The following CDK8 variants were observed in gnomAD, a reference collection of about 807,000 sequenced individuals.
CDK8 encodes cyclin-dependent kinase 8.
A neutral mutation model predicts 71.5 loss-of-function variants in CDK8; 29 were observed. The observed-to-expected ratio is 0.41, with a 90% CI of 0.30 to 0.55. The LOEUF is 0.55. CDK8 is among the 20% of genes least tolerant of loss of function. CDK8 has a pLI of 0.37. For missense variants in CDK8, 288 were observed against 572.6 expected (o/e 0.50, Z 5.07); for synonymous variants, 161 against 192.1 (o/e 0.84, Z 1.34).
intron 1 of CDK8, among the ~76,000 whole-genome samples, chr13:26,279,113 G>A (rs563887269): frequency 6.6e-6 from 1 of 151,594 alleles, no homozygotes; most frequent in Non-Finnish European, 1.5e-5. Flanking sequence ...GTCCTATAAC[G>A]AACCCGTGAA....
At chr13:26,271,857 A>C (rs151116328) in intron 1 of CDK8, among the ~76,000 whole-genome samples, 1 of 132,430 alleles carries the variant, frequency 7.6e-6, no homozygotes, top group Non-Finnish European at 1.6e-5. Context: ...GAGAGACATA[A>C]AAATTGGTAT....
intron 1 of CDK8, among the ~76,000 whole-genome samples, chr13:26,319,683 CTTTT>C (rs57713231): frequency 2.2e-5 from 3 of 137,502 alleles, no homozygotes; most frequent in African/African-American, 8.0e-5. Context: ...ATCCAAATGG[CTTTT>C]TTTTTTTTTT....
chr13:26,403,302 A>G (rs1008015652), intron 12 of CDK8, among the ~76,000 whole-genome samples: 2 of 152,142 alleles, frequency 1.3e-5, no homozygotes, highest in African/African-American at 2.4e-5. Flanking sequence ...TGAGGCCTGG[A>G]GTTTGAAATC....
intron 1 of CDK8, among the ~76,000 whole-genome samples, chr13:26,326,831 C>T (rs944227478): frequency 4.6e-5 from 7 of 152,138 alleles, no homozygotes; most frequent in African/African-American, 1.7e-4. Flanking sequence ...CCATATACAG[C>T]TGATAGTTGT....
At chr13:26,397,120 T>C in intron 8 of CDK8, 33 bp from the exon 9 acceptor site, 1 of 1,247,928 alleles carries the variant, frequency 8.0e-7, no homozygotes, top group Non-Finnish European at 1.2e-6. Flanking sequence ...ACCTCAAGTC[T>C]AATATAGCTA....
chr13:26,333,538 A>AACAACC (rs1427147499), intron 1 of CDK8, among the ~76,000 whole-genome samples: 1 of 152,192 alleles, frequency 6.6e-6, no homozygotes, highest in African/African-American at 2.4e-5. Context: ...GGTGATGCCA[A>AACAACC]ACAACCACAG....
At chr13:26,311,684 T>A (rs769837185) in intron 1 of CDK8, among the ~76,000 whole-genome samples, 22 of 152,202 alleles carry the variant, frequency 1.4e-4, no homozygotes, top group Non-Finnish European at 1.8e-4. Flanking sequence ...AGCCTCCCGC[T>A]TCATCTCCCT....
intron 6 of CDK8, among the ~76,000 whole-genome samples, chr13:26,389,872 C>T (rs1157880742): frequency 2.0e-5 from 3 of 152,014 alleles, no homozygotes; most frequent in Non-Finnish European, 4.4e-5. Flanking sequence ...GTGGCGGGCA[C>T]CTGTAATCCC....
chr13:26,298,813 C>T (rs959086023), intron 1 of CDK8, among the ~76,000 whole-genome samples: 2 of 152,102 alleles, frequency 1.3e-5, no homozygotes, highest in Non-Finnish European at 2.9e-5. Flanking sequence ...GACGCTTTTC[C>T]GGTAGTGTTA....
chr13:26,365,090 C>G (rs1874325732), intron 4 of CDK8, among the ~76,000 whole-genome samples: 1 of 152,126 alleles, frequency 6.6e-6, no homozygotes, highest in Non-Finnish European at 1.5e-5. Context: ...TTGTTGGGAA[C>G]TCCAAGGATT....
chr13:26,352,521 ATCT>A (rs1044904928), intron 3 of CDK8, among the ~76,000 whole-genome samples: 5 of 152,158 alleles, frequency 3.3e-5, no homozygotes, highest in South Asian at 2.1e-4. Context: ...CGGCCCAAGA[ATCT>A]TCTTCTTAAG....
At chr13:26,361,783 CCTTT>C (rs1874149552) in intron 4 of CDK8, among the ~76,000 whole-genome samples, 5 of 112,224 alleles carry the variant, frequency 4.5e-5, no homozygotes, top group Non-Finnish European at 8.7e-5. Context: ...TTTTCTTTTC[CCTTT>C]TTTTTTTTTT....
chr13:26,345,670 A>G (rs1593278064), intron 2 of CDK8, among the ~76,000 whole-genome samples: 2 of 152,230 alleles, frequency 1.3e-5, no homozygotes, highest in East Asian at 3.8e-4. Flanking sequence ...GGCGTGAGCC[A>G]CTGTGCCTGG....
In CDK8 at chr13:26,317,784, C is replaced by G. The variant is rs1874581793; in HGVS notation, c.129-19783C>G. ...ATAACATACCAAAACTTATGGGACA[C>G]AGCAAAAGCAGTAGTAAGGGGGAAG... On this transcript the variant is annotated intron_variant, in intron 1 of 12. Transcript: ENST00000381527. Among the ~76,000 whole-genome samples, 3 of 152,046 alleles carry G rather than the reference C, an allele frequency of 2.0e-5. 1 individual carries two copies. The South Asian group carries it at 6.2e-4, about 31-fold the overall frequency.
intron 1 of CDK8, among the ~76,000 whole-genome samples, chr13:26,286,173 A>G (rs9581622): frequency 0.11 from 16,482 of 152,222 alleles, 2,642 homozygotes; most frequent in African/African-American, 0.35. Flanking sequence ...TGAAGTTCAT[A>G]TGGAACCAAG....
chr13:26,388,630 T>C (rs1875592925), intron 6 of CDK8, among the ~76,000 whole-genome samples: 1 of 152,252 alleles, frequency 6.6e-6, no homozygotes, highest in South Asian at 2.1e-4. Context: ...CTTGTGACTC[T>C]GGCTCACTGT....
At chr13:26,359,011 A>T in intron 4 of CDK8, 1 of 301,692 alleles carries the variant, frequency 3.3e-6, no homozygotes, top group South Asian at 3.0e-5. Flanking sequence ...TGGGCAACAG[A>T]GTAAGACTCT....
chr13:26,355,255 T>C (rs1030935379), intron 4 of CDK8, among the ~76,000 whole-genome samples: 1 of 152,248 alleles, frequency 6.6e-6, no homozygotes, highest in Non-Finnish European at 1.5e-5. Context: ...ACAGCAGAAA[T>C]TTGGTTGAAC....
intron 4 of CDK8, among the ~76,000 whole-genome samples, chr13:26,369,777 C>A (rs1391366182): frequency 7.1e-6 from 1 of 141,188 alleles, no homozygotes; most frequent in South Asian, 2.2e-4. Context: ...AGGATGGTCT[C>A]GATCTCCTGA....
Sources: gnomAD v4.1 joint callset for allele counts (sites outside exome capture counted in the v4.1 genomes callset) on GRCh38, gnomAD v4.1.1 for gene constraint, MANE v1.5 for transcripts, NCBI Gene and HGNC (gene_info 2026-07-23, HGNC 2026-07-21) for gene names.